MRC1: variants seen among roughly 807,000 people sequenced by gnomAD.
MRC1 encodes mannose receptor C-type 1.
In MRC1, 62 loss-of-function variants were observed where a neutral mutation model predicts 102.9. That is an observed-to-expected ratio of 0.60 (90% CI 0.49 to 0.74). The LOEUF is 0.74. Among genes scored for constraint, MRC1 ranks in the 30% least tolerant of loss-of-function variants. MRC1 has a pLI of 0.00. For synonymous variants in MRC1, 457 were observed against 298.4 expected, an observed-to-expected ratio of 1.53 and a Z score of -5.48; for missense variants, 1,237 against 862.8, an observed-to-expected ratio of 1.43 and a Z score of -5.43.
rs929493151 is a variant in MRC1 at position 17,853,209 on chromosome 10, T to C, written c.1407+85T>C. ...TCCCAGTCAGTTACATATGTTTGTT[T>C]AGATTGTTTTTATTCTACATAAATT... is the stretch of plus-strand genomic sequence containing the variant. On this transcript the variant is annotated intron_variant, in intron 8 of 29. Coordinates refer to ENST00000569591, the MANE Select transcript of MRC1 (RefSeq NM_002438.4). 1.5e-3 allele frequency: 1,111 copies of C among 761,912 alleles called. 13 individuals carry two copies. In the African/African-American group the frequency reaches 0.017, roughly 12 times the overall value. 47.2% of individuals were successfully genotyped at this position (761,912 alleles called of 1,614,324 possible).
chr10:17,817,888 C>A (rs1289080732), intron 1 of MRC1, among the ~76,000 whole-genome samples: 1 of 152,168 alleles, frequency 6.6e-6, no homozygotes, highest in Non-Finnish European at 1.5e-5. Flanking sequence ...AGAAGTATGA[C>A]ATTTTAAGTC....
rs781911718 is a variant in MRC1, at chr10:17,849,685, C to T, written c.1170C>T (p.Thr390=). 14 of 780,874 alleles carry T rather than the reference C, an allele frequency of 1.8e-5. No individual in the cohort carries two copies. The highest frequency in any genetic ancestry group is 1.3e-5 in the South Asian group (1 of 74,624). 48.4% of individuals were successfully genotyped at this position (780,874 alleles called of 1,614,324 possible). Residue 390 remains threonine, a synonymous_variant, in exon 7 of 30, where the codon ACC becomes ACT. Coordinates refer to ENST00000569591, the MANE Select transcript of MRC1 (RefSeq NM_002438.4). ...AAATCCAGAGGGATGCTCTGACCAC[C>T]TGCAGGAAGGAAGGCGGTGACCTCA... is the stretch of plus-strand genomic sequence containing the variant. ...EKKIQRDALT[T]CRKEGGDLTS...
intron 8 of MRC1, among the ~76,000 whole-genome samples, chr10:17,855,726 A>G (rs1316385989): frequency 1.3e-5 from 2 of 152,092 alleles, no homozygotes; most frequent in African/African-American, 4.8e-5. Context: ...GGCTCCAATC[A>G]CTTTTTACAT....
chr10:17,815,791 G>GTT (rs1200971838), intron 1 of MRC1, among the ~76,000 whole-genome samples: 1 of 149,936 alleles, frequency 6.7e-6, no homozygotes, highest in Admixed American at 6.7e-5. Context: ...GTAATTCTCT[G>GTT]TTTTTTTTTC....
intron 21 of MRC1, among the ~76,000 whole-genome samples, chr10:17,883,045 C>A (rs1833540801): frequency 6.6e-6 from 1 of 152,120 alleles, no homozygotes; most frequent in Non-Finnish European, 1.5e-5. Flanking sequence ...TAGAGCTTTT[C>A]CATGTTTCAT....
chr10:17,890,185 G>A (rs1365096364), intron 22 of MRC1, among the ~76,000 whole-genome samples: 8 of 152,060 alleles, frequency 5.3e-5, no homozygotes, highest in Non-Finnish European at 2.9e-5. Flanking sequence ...GAAATCCAAC[G>A]TAATTACTAT....
intron 29 of MRC1, 77 bp from the exon 30 acceptor site, chr10:17,910,138 C>T: frequency 2.6e-6 from 2 of 770,356 alleles, no homozygotes; most frequent in Admixed American, 3.5e-5. Flanking sequence ...TTTAGTTTTT[C>T]AACAAGCGAA....
At chr10:17,889,767 G>C (rs1833648175) in intron 22 of MRC1, among the ~76,000 whole-genome samples, 1 of 152,034 alleles carries the variant, frequency 6.6e-6, no homozygotes, top group African/African-American at 2.4e-5. Context: ...CAAATACATT[G>C]CTGTCCACTT....
Position 17,907,015 on chromosome 10 carries a change from T to G in MRC1, c.3913+16T>G. The G allele has an allele frequency of 1.3e-6, 1 of 780,458 alleles. No homozygotes were observed. The allele number at this position is 780,458 out of a possible 1,614,324, so 48.3% of individuals were successfully genotyped here. On this transcript the variant is annotated intron_variant, in intron 27 of 29. Coordinates refer to ENST00000569591, the MANE Select transcript of MRC1 (RefSeq NM_002438.4). ...AATGTTGAAGGTAATTTTTGCAGCA[T>G]GCTTATTTAATCACAAATATTGTAA...
At chr10:17,884,905 C>T (rs934425999) in intron 21 of MRC1, among the ~76,000 whole-genome samples, 3 of 152,172 alleles carry the variant, frequency 2.0e-5, no homozygotes, top group Non-Finnish European at 2.9e-5. Context: ...TTTACAGAAT[C>T]GGGACAGCTG....
chr10:17,831,569 G>A (rs1176561612), intron 3 of MRC1, among the ~76,000 whole-genome samples: 3 of 151,226 alleles, frequency 2.0e-5, no homozygotes, highest in Non-Finnish European at 4.4e-5. Flanking sequence ...AGGGCAATTA[G>A]ATACAGTTAA....
At chr10:17,866,816 G>T in intron 12 of MRC1, 55 bp downstream of exon 12, 1 of 780,338 alleles carries the variant, frequency 1.3e-6, no homozygotes, top group South Asian at 1.3e-5. Flanking sequence ...TCAGCCTAAA[G>T]AATCATCTAA....
chr10:17,903,640 C>T (rs2130721260), intron 26 of MRC1, among the ~76,000 whole-genome samples: 1 of 152,168 alleles, frequency 6.6e-6, no homozygotes, highest in South Asian at 2.1e-4. Flanking sequence ...AGGTTATCCA[C>T]CTGCCTCGGC....
chr10:17,865,023 A>T (rs1589184221), intron 11 of MRC1, among the ~76,000 whole-genome samples: 1 of 152,278 alleles, frequency 6.6e-6, no homozygotes, highest in Non-Finnish European at 1.5e-5. Flanking sequence ...TGTTTCTGAA[A>T]TAGTCTCGGA....
chr10:17,843,221 A>G (rs1207401115), intron 5 of MRC1, among the ~76,000 whole-genome samples: 1 of 46,132 alleles, frequency 2.2e-5, no homozygotes, highest in Non-Finnish European at 3.9e-5. Flanking sequence ...ACTTAGAGCT[A>G]GAAATGTATT....
chr10:17,840,915 T>A (rs1231708476), intron 5 of MRC1, 109 bp downstream of exon 5: 2 of 768,116 alleles, frequency 2.6e-6, no homozygotes, highest in African/African-American at 1.7e-5. Flanking sequence ...ATTGGGAGAC[T>A]TCATCAAATA....
At chr10:17,881,017 A>T (rs1833506596) in intron 20 of MRC1, 50 bp from the exon 21 acceptor site, 3 of 779,008 alleles carry the variant, frequency 3.9e-6, no homozygotes, top group African/African-American at 1.7e-5. Context: ...GATCATCTTT[A>T]GTTAACCCCT....
chr10:17,830,818 T>C (rs1838558640), intron 3 of MRC1, among the ~76,000 whole-genome samples: 1 of 151,308 alleles, frequency 6.6e-6, no homozygotes, highest in South Asian at 2.1e-4. Flanking sequence ...GTCATTTATG[T>C]CACTTGCCTC....
intron 28 of MRC1, 84 bp downstream of exon 28, chr10:17,907,782 G>A (rs1306816455): frequency 2.6e-6 from 2 of 756,144 alleles, no homozygotes; most frequent in Non-Finnish European, 4.9e-6. Flanking sequence ...GAATCATAAT[G>A]TGATTACGAG....
Sources: gnomAD v4.1 joint callset for allele counts (sites outside exome capture counted in the v4.1 genomes callset) on GRCh38, gnomAD v4.1.1 for gene constraint, MANE v1.5 for transcripts, NCBI Gene and HGNC (gene_info 2026-07-23, HGNC 2026-07-21) for gene names.